Variants in PARD3B observed in about 807,000 individuals in gnomAD.
PARD3B encodes partitioning defective 3 homolog B.
A neutral mutation model predicts 130.2 loss-of-function variants in PARD3B; 103 were observed. The observed-to-expected ratio is 0.79, with a 90% CI of 0.67 to 0.93. The LOEUF is 0.93. Among genes scored for constraint, PARD3B ranks in the 40% least tolerant of loss-of-function variants. The pLI is 0.00. For synonymous variants in PARD3B, 583 were observed against 553.2 expected, an observed-to-expected ratio of 1.05 and a Z score of -0.76; for missense variants, 1,609 against 1,499.2, an observed-to-expected ratio of 1.07 and a Z score of -1.21.
At chr2:204,810,753 A>G (rs2042934495) in intron 2 of PARD3B, among the ~76,000 whole-genome samples, 1 of 152,034 alleles carries the variant, frequency 6.6e-6, no homozygotes, top group Non-Finnish European at 1.5e-5. Flanking sequence ...TATCAAGGAT[A>G]TTGGCCTGAA....
rs574456129 is a variant in PARD3B at position 205,052,942 on chromosome 2, G to A, written c.504+5252G>A. Among the ~76,000 whole-genome samples the A allele has an allele frequency of 1.6e-4, 25 of 152,230 alleles. No homozygotes were observed. In the South Asian group the frequency reaches 5.0e-3, roughly 30 times the overall value. Reference sequence around the variant, plus strand: ...GACCGGTGGAGGGAAAACACCCTGAGGGGAAGTGTTTCCAGTTGTCCTGTG... The same window carrying A: ...GACCGGTGGAGGGAAAACACCCTGAAGGGAAGTGTTTCCAGTTGTCCTGTG... On this transcript the variant is annotated intron_variant, in intron 4 of 22. Transcript: ENST00000406610.
At chr2:204,551,429 C>T (rs1448337470) in intron 1 of PARD3B, among the ~76,000 whole-genome samples, 1 of 152,176 alleles carries the variant, frequency 6.6e-6, no homozygotes, top group Non-Finnish European at 1.5e-5. Context: ...TTATTGTCAT[C>T]ATGCTTGACT....
intron 15 of PARD3B, among the ~76,000 whole-genome samples, chr2:205,206,358 C>A (rs1172182897): frequency 7.7e-6 from 1 of 129,048 alleles, no homozygotes. Context: ...CGATGCTATC[C>A]CTCCCCCCTC....
At position 205,047,647 on chromosome 2, in the gene PARD3B, G is replaced by T. The variant is rs1698894225; in HGVS notation, c.461G>T (p.Ser154Ile). The change falls in exon 4 of 23, where the codon AGC becomes ATC. Residue 154 changes from serine to isoleucine, a missense_variant. Coordinates refer to ENST00000406610, the MANE Select transcript of PARD3B (RefSeq NM_001302769.2). ...GGCCCACCTGCTGATACCCAGCCAA[G>T]CGCTTCACACCCTGGTGGCCAGAGT... Reference protein sequence around the residue: ...VPGPPADTQPSASHPGGQSLK... With the variant: ...VPGPPADTQPIASHPGGQSLK... 6.4e-7 allele frequency: 1 copy of T among 1,551,004 alleles called. No homozygotes were observed. Among genetic ancestry groups the T allele is most frequent in the Non-Finnish European group, 8.7e-7 (1 of 1,146,848 alleles).
At chr2:205,065,638 G>C (rs1260501598) in intron 4 of PARD3B, among the ~76,000 whole-genome samples, 1 of 152,132 alleles carries the variant, frequency 6.6e-6, no homozygotes, top group African/African-American at 2.4e-5. Flanking sequence ...TCTGGTGGTA[G>C]TAACTGAGTT....
intron 3 of PARD3B, among the ~76,000 whole-genome samples, chr2:204,966,289 T>A (rs1241922034): frequency 1.3e-5 from 2 of 152,212 alleles, no homozygotes; most frequent in Non-Finnish European, 2.9e-5. Context: ...AGTGCCCCTT[T>A]TAAAATAAAC....
At chr2:204,848,288 C>T (rs980017335) in intron 2 of PARD3B, among the ~76,000 whole-genome samples, 1 of 152,116 alleles carries the variant, frequency 6.6e-6, no homozygotes, top group Admixed American at 6.6e-5. Context: ...GGAGGGACCA[C>T]TGTTTACTGT....
intron 18 of PARD3B, among the ~76,000 whole-genome samples, chr2:205,393,701 G>C (rs1041282454): frequency 6.6e-6 from 1 of 152,156 alleles, no homozygotes; most frequent in Non-Finnish European, 1.5e-5. Flanking sequence ...TAGGTTGGTG[G>C]TAATAACTGC....
chr2:205,042,426 C>T (rs372487090), intron 3 of PARD3B, among the ~76,000 whole-genome samples: 2 of 152,090 alleles, frequency 1.3e-5, no homozygotes, highest in South Asian at 4.1e-4. Flanking sequence ...TAAGTTTTTC[C>T]TGAATGTGGT....
intron 12 of PARD3B, among the ~76,000 whole-genome samples, chr2:205,175,003 C>T (rs1451716252): frequency 1.3e-5 from 2 of 152,194 alleles, no homozygotes; most frequent in East Asian, 3.8e-4. Flanking sequence ...TTCCCCAAAA[C>T]ATTTCCCTCC....
chr2:204,783,842 C>G (rs552026826), intron 2 of PARD3B, among the ~76,000 whole-genome samples: 34 of 152,110 alleles, frequency 2.2e-4, no homozygotes, highest in Non-Finnish European at 4.4e-4. Flanking sequence ...ATATTTAGAG[C>G]TTTTCCTTGC....
rs967864788 is a variant in PARD3B, at chr2:205,563,700, A to G, written c.3260+10297A>G. Among the ~76,000 whole-genome samples the G allele has an allele frequency of 9.9e-5, 15 of 152,046 alleles. No individual in the cohort carries two copies. The highest frequency in any genetic ancestry group is 2.9e-5 in the Non-Finnish European group (2 of 68,006). On this transcript the variant is annotated intron_variant, in intron 22 of 22. Transcript: ENST00000406610. The surrounding 1 kb of genome is among the most constrained non-coding windows in gnomAD (Gnocchi z 4.2). ...AAGAAAATAGTAGGGAATTTATGGG[A>G]AATAAAGAAAAACACTTTTGAATCA...
chr2:205,290,206 T>C (rs2041554093), intron 16 of PARD3B, among the ~76,000 whole-genome samples: 1 of 152,254 alleles, frequency 6.6e-6, no homozygotes, highest in African/African-American at 2.4e-5. Flanking sequence ...TGGGGACTTG[T>C]ATTCCCCTGA....
chr2:204,945,979 C>A (rs796429606), intron 2 of PARD3B, among the ~76,000 whole-genome samples: 6 of 152,260 alleles, frequency 3.9e-5, no homozygotes, highest in African/African-American at 1.4e-4. Context: ...CTTCTCAATC[C>A]CATTGTCCAG....
intron 3 of PARD3B, among the ~76,000 whole-genome samples, chr2:205,034,724 C>T (rs1575598483): frequency 2.0e-5 from 3 of 151,868 alleles, no homozygotes; most frequent in Admixed American, 6.6e-5. Context: ...GAAAAATAAT[C>T]GCAATTTATA....
chr2:204,771,412 A>G (rs1574942153), intron 2 of PARD3B, among the ~76,000 whole-genome samples: 1 of 152,192 alleles, frequency 6.6e-6, no homozygotes. Flanking sequence ...AGAGAATTGT[A>G]CTGAGAACAC....
At chr2:205,547,504 C>A (rs2052429865) in intron 21 of PARD3B, among the ~76,000 whole-genome samples, 1 of 152,076 alleles carries the variant, frequency 6.6e-6, no homozygotes. Context: ...CTTGGATAAG[C>A]TTTCAGGAAT....
At chr2:204,915,512 A>G (rs76262674) in intron 2 of PARD3B, among the ~76,000 whole-genome samples, 3,940 of 152,296 alleles carry the variant, frequency 0.026, 67 homozygotes, top group Non-Finnish European at 0.036. Flanking sequence ...TTTTATGTAT[A>G]TATACTAAAA....
chr2:205,141,540 C>A (rs1339920979), intron 10 of PARD3B, among the ~76,000 whole-genome samples: 1 of 152,140 alleles, frequency 6.6e-6, no homozygotes, highest in East Asian at 1.9e-4. Context: ...CACCCCATAT[C>A]AAAACTCAGA....
Sources: gnomAD v4.1 joint callset for allele counts (sites outside exome capture counted in the v4.1 genomes callset) on GRCh38, gnomAD v4.1.1 for gene constraint, Gnocchi (gnomAD v3.1) non-coding constraint, MANE v1.5 for transcripts, NCBI Gene and HGNC (gene_info 2026-07-23, HGNC 2026-07-21) for gene names.